CTNNA3: variants seen among roughly 807,000 people sequenced by gnomAD.
CTNNA3 encodes the protein catenin alpha-3.
In CTNNA3, 76 loss-of-function variants were observed where a neutral mutation model predicts 95.7. That is an observed-to-expected ratio of 0.79 (90% CI 0.66 to 0.96). The LOEUF is 0.96. Ranked by LOEUF, CTNNA3 falls within the 40% of genes least tolerant of loss-of-function variation. The pLI, the probability that CTNNA3 is intolerant of heterozygous loss-of-function variation, is 0.00. For synonymous variants in CTNNA3, 431 were observed against 374.4 expected, an observed-to-expected ratio of 1.15 and a Z score of -1.74; for missense variants, 1,191 against 1,089.8, an observed-to-expected ratio of 1.09 and a Z score of -1.31.
At chr10:66,609,264 A>G (rs1292439010) in intron 10 of CTNNA3, among the ~76,000 whole-genome samples, 1 of 150,212 alleles carries the variant, frequency 6.7e-6, no homozygotes, top group African/African-American at 2.5e-5. Flanking sequence ...AAGTTTCACC[A>G]TTTGGCCAGG....
intron 5 of CTNNA3, among the ~76,000 whole-genome samples, chr10:67,235,472 T>C (rs1384071614): frequency 6.6e-6 from 1 of 151,906 alleles, no homozygotes; most frequent in African/African-American, 2.4e-5. Context: ...TGTAGAAAGC[T>C]GAAACTGGAT....
intron 12 of CTNNA3, among the ~76,000 whole-genome samples, chr10:66,313,872 AG>A (rs2092060954): frequency 6.6e-6 from 1 of 152,200 alleles, no homozygotes; most frequent in South Asian, 2.1e-4. Context: ...CAAATGGGTC[AG>A]AAAAATAATG....
chr10:66,729,940 T>A (rs1480712267), intron 9 of CTNNA3, among the ~76,000 whole-genome samples: 1 of 151,350 alleles, frequency 6.6e-6, no homozygotes, highest in Non-Finnish European at 1.5e-5. Context: ...CTGTCTCTAC[T>A]AAAAATACAA....
At chr10:66,264,459 T>C (rs1414020828) in intron 13 of CTNNA3, among the ~76,000 whole-genome samples, 2 of 152,048 alleles carry the variant, frequency 1.3e-5, no homozygotes, top group Non-Finnish European at 2.9e-5. Context: ...AACTTGCTAG[T>C]AGTCATATTA....
intron 10 of CTNNA3, among the ~76,000 whole-genome samples, chr10:66,572,170 G>A (rs1842885708): frequency 6.6e-6 from 1 of 152,042 alleles, no homozygotes; most frequent in African/African-American, 2.4e-5. Flanking sequence ...ATCACTTGAG[G>A]TCAGGAGTTC....
intron 2 of CTNNA3, among the ~76,000 whole-genome samples, chr10:67,620,593 G>A (rs903666373): frequency 4.6e-5 from 7 of 152,082 alleles, no homozygotes; most frequent in African/African-American, 1.2e-4. Context: ...GATCACTTAC[G>A]AAAGATAAAC....
rs151078010 is a variant in CTNNA3, at chr10:66,189,617, T to TATATATATATATATATATAC, written c.1885-86369_1885-86368insGTATATATATATATATATAT. Among the ~76,000 whole-genome samples, 201 of 140,362 alleles carry TATATATATATATATATATAC rather than the reference T, an allele frequency of 1.4e-3. 4 individuals carry two copies. The highest frequency in any genetic ancestry group is 5.5e-3 in the African/African-American group (193 of 35,186). The allele number at this position is 140,362 out of a possible 152,430, so 92.1% of individuals were successfully genotyped here. On this transcript the variant is annotated intron_variant, in intron 13 of 17. Coordinates refer to ENST00000433211, the MANE Select transcript of CTNNA3 (RefSeq NM_013266.4). ...CTATAGATTTATATATATATATATA[T>TATATATATATATATATATAC]ACACACATACACACACATATACATA...
At chr10:67,085,916 C>T (rs1016978893) in intron 7 of CTNNA3, among the ~76,000 whole-genome samples, 52 of 151,876 alleles carry the variant, frequency 3.4e-4, no homozygotes, top group Non-Finnish European at 6.9e-4. Context: ...TTAAACATGA[C>T]GTTATCTATA....
chr10:66,619,500 G>A (rs1844661819), intron 10 of CTNNA3, among the ~76,000 whole-genome samples: 1 of 106,400 alleles, frequency 9.4e-6, no homozygotes, highest in South Asian at 3.9e-4. Context: ...CTCACAGGTG[G>A]GAATTGAACA....
intron 5 of CTNNA3, among the ~76,000 whole-genome samples, chr10:67,461,179 A>G (rs1365717714): frequency 6.6e-6 from 1 of 152,224 alleles, no homozygotes; most frequent in Non-Finnish European, 1.5e-5. Context: ...TTGGTAGAAT[A>G]GAATGAACAC....
intron 13 of CTNNA3, among the ~76,000 whole-genome samples, chr10:66,237,166 A>T (rs1409214407): frequency 1.3e-5 from 2 of 152,154 alleles, no homozygotes; most frequent in Non-Finnish European, 2.9e-5. Flanking sequence ...GAAATATCTA[A>T]ATCTATATCC....
intron 2 of CTNNA3, among the ~76,000 whole-genome samples, chr10:67,617,570 G>A (rs566383911): frequency 8.5e-5 from 13 of 152,116 alleles, no homozygotes; most frequent in South Asian, 4.2e-4. Context: ...GAACAGGCAC[G>A]TGCATATGTC....
chr10:66,753,142 C>A (rs1839226742), intron 9 of CTNNA3, among the ~76,000 whole-genome samples: 1 of 152,098 alleles, frequency 6.6e-6, no homozygotes, highest in South Asian at 2.1e-4. Context: ...GGTTGTGGTG[C>A]AGAGATCTAC....
intron 7 of CTNNA3, among the ~76,000 whole-genome samples, chr10:66,989,475 T>C (rs1012591731): frequency 6.6e-6 from 1 of 152,184 alleles, no homozygotes; most frequent in Non-Finnish European, 1.5e-5. Context: ...TGGAATAAAA[T>C]GAGTGCTGCA....
rs1338979219 is a variant in CTNNA3, at chr10:66,011,507, C to T, written c.2160-22710G>A. ...ATTGTATGGCATTTTACAACCTAAA[C>T]AAATTTCCCACATATATTGCATTTT... On this transcript the variant is annotated intron_variant, in intron 15 of 17. Transcript: ENST00000433211. 2.6e-5 allele frequency among the ~76,000 whole-genome samples: 4 copies of T among 152,034 alleles called. No individual in the cohort carries two copies. In the East Asian group the frequency reaches 7.7e-4, roughly 29 times the overall value.
upstream of CTNNA3, among the ~76,000 whole-genome samples, chr10:67,700,497 G>A (rs1841027921): frequency 6.6e-6 from 1 of 152,204 alleles, no homozygotes; most frequent in African/African-American, 2.4e-5. Flanking sequence ...AATCTCCGCT[G>A]CTGATATCCA....
At chr10:66,280,345 A>G (rs1443804095) in intron 13 of CTNNA3, 125 bp downstream of exon 13, 26 of 828,390 alleles carry the variant, frequency 3.1e-5, no homozygotes, top group Non-Finnish European at 4.9e-5. Flanking sequence ...ATGAACTTCT[A>G]AAGTTTTAAT....
intron 5 of CTNNA3, among the ~76,000 whole-genome samples, chr10:67,289,753 T>A (rs201258492): frequency 4.7e-5 from 7 of 147,848 alleles, no homozygotes; most frequent in East Asian, 5.5e-4. Flanking sequence ...AAAGGAAGGA[T>A]GGATGAATGG....
chr10:66,058,710 G>A (rs2080134326), intron 15 of CTNNA3, among the ~76,000 whole-genome samples: 1 of 152,076 alleles, frequency 6.6e-6, no homozygotes, highest in Non-Finnish European at 1.5e-5. Context: ...GACAGAGTAA[G>A]AAAACACCTG....
Sources: gnomAD v4.1 joint callset for allele counts (sites outside exome capture counted in the v4.1 genomes callset) on GRCh38, gnomAD v4.1.1 for gene constraint, MANE v1.5 for transcripts, NCBI Gene and HGNC (gene_info 2026-07-23, HGNC 2026-07-21) for gene names.